Variants in DIP2A observed in about 807,000 individuals in gnomAD.
DIP2A encodes disco-interacting protein 2 homolog A.
In DIP2A, 85 loss-of-function variants were observed where a neutral mutation model predicts 177.4. The ratio of observed to expected loss-of-function variants is 0.48; its 90% CI spans 0.40 to 0.57. The LOEUF (loss-of-function observed/expected upper bound fraction) is 0.57. DIP2A is among the 20% of genes least tolerant of loss of function. The pLI is 0.00. For synonymous variants in DIP2A, 886 were observed against 881.8 expected (o/e 1.00, Z -0.08); for missense variants, 1,791 against 2,100.2 (o/e 0.85, Z 2.88).
rs1483090022 is a variant in DIP2A at position 46,558,251 on chromosome 21, G to A, written c.3827G>A (p.Arg1276His). ...AAGGGGGTGAACCTGTCATGTGTGC[G>A]CACGTGCATGGTGGTCGCCGAGGAG... ...RMKGVNLSCV[R>H]TCMVVAEERP... is the part of the protein sequence containing the mutation. The change falls in exon 32 of 38, where the codon CGC becomes CAC. Residue 1276 changes from arginine to histidine, a missense_variant. Transcript: ENST00000417564. The A allele has an allele frequency of 1.9e-6, 3 of 1,612,558 alleles. No individual in the cohort carries two copies. The highest frequency in any genetic ancestry group is 2.5e-6 in the Non-Finnish European group (3 of 1,179,744).
chr21:46,562,955 T>G (rs1601859370), intron 34 of DIP2A, among the ~76,000 whole-genome samples: 2 of 152,310 alleles, frequency 1.3e-5, no homozygotes, highest in South Asian at 2.1e-4. Flanking sequence ...GTCGCTCTTT[T>G]CCCTGCCCTG....
rs374176173 is a variant in DIP2A, at chr21:46,554,700, C to T, written c.3276+4C>T. On this transcript the variant is annotated splice_donor_region_variant and intron_variant, in intron 27 of 37. Coordinates refer to ENST00000417564, the MANE Select transcript of DIP2A (RefSeq NM_015151.4). Reference sequence around the variant, plus strand: ...CACCGTCAAGATGATCGTGGAGGTGCGCCTACCTGGCCCGCGGGTCAGAGT... The same window carrying T: ...CACCGTCAAGATGATCGTGGAGGTGTGCCTACCTGGCCCGCGGGTCAGAGT... 2.4e-5 allele frequency: 38 copies of T among 1,563,678 alleles called. No homozygotes were observed. The highest frequency in any genetic ancestry group is 3.0e-5 in the Non-Finnish European group (35 of 1,155,202).
chr21:46,470,485 A>AGG (rs1555867692), intron 1 of DIP2A, among the ~76,000 whole-genome samples: 79 of 149,320 alleles, frequency 5.3e-4, no homozygotes, highest in African/African-American at 1.9e-3. Flanking sequence ...AAAAAAAAAA[A>AGG]GGGGGGGCCA....
At position 46,481,181 on chromosome 21, in the gene DIP2A, A is replaced by C. The variant is rs141157873; in HGVS notation, c.92-3576A>C. On this transcript the variant is annotated intron_variant, in intron 1 of 37. Coordinates refer to ENST00000417564, the MANE Select transcript of DIP2A (RefSeq NM_015151.4). ...ATCTATTCCCTATCCTTATGGGTTT[A>C]TCTTTTCCGAAATGTCATATAAATG... is the stretch of plus-strand genomic sequence containing the variant. 4.4e-4 allele frequency among the ~76,000 whole-genome samples: 67 copies of C among 152,312 alleles called. No homozygotes were observed. The Middle Eastern group carries it at 0.01, about 23-fold the overall frequency.
the DIP2A span, among the ~76,000 whole-genome samples, chr21:46,577,447 G>A: frequency 1.2e-4 from 19 of 152,250 alleles, no homozygotes; most frequent in Admixed American, 7.8e-4. Context: ...TTGTAGATGG[G>A]CAGTCTTACT....
At position 46,537,279 on chromosome 21, in the gene DIP2A, C is replaced by T. The variant is rs376125206; in HGVS notation, c.1698C>T (p.Gly566=). 22 of 1,613,856 alleles carry T rather than the reference C, an allele frequency of 1.4e-5. No homozygotes were observed. The highest frequency in any genetic ancestry group is 1.5e-5 in the Non-Finnish European group (18 of 1,179,870). ...DFKRDAGLWH[G]VLTSVMNRMH... ...AAAGGGATGCTGGTCTGTGGCATGG[C>T]GTGTTAACAGTGAGTGTTGTTTGCT... The change falls in exon 14 of 38, where the codon GGC becomes GGT. Residue 566 remains glycine, a synonymous_variant. Transcript: ENST00000417564. This position sits in a 1 kb window ranked among gnomAD's most constrained non-coding sequence, Gnocchi z 4.1.
chr21:46,538,543 A>T lies in DIP2A; in HGVS notation c.1862A>T (p.Gln621Leu). Residue 621 changes from glutamine to leucine, a missense_variant, in exon 16 of 38, where the codon CAG (glutamine) becomes CTG (leucine). Coordinates refer to ENST00000417564, the MANE Select transcript of DIP2A (RefSeq NM_015151.4). ...MHWSLLAQRG[Q>L]RDVSLSSLRM... is the part of the protein sequence containing the mutation. The stretch of plus-strand genomic sequence containing the variant: ...TGGTCTCTCCTAGCTCAGCGGGGCC[A>T]GAGGGACGTCAGCCTCAGCTCACTG... 1 of 1,564,142 alleles carries T rather than the reference A, an allele frequency of 6.4e-7. No homozygotes were observed. The highest frequency in any genetic ancestry group is 8.6e-7 in the Non-Finnish European group (1 of 1,156,758).
At position 46,557,328 on chromosome 21, in the gene DIP2A, T is replaced by C. The variant is rs2060503031; in HGVS notation, c.3630-257T>C. On this transcript the variant is annotated intron_variant, in intron 30 of 37. Transcript: ENST00000417564. This position sits in a 1 kb window ranked among gnomAD's most constrained non-coding sequence, Gnocchi z 6.0. ...TCAAACACTAGAAAGTGGCGATCCGTCTCTAGAAGTGAATGCCTCTGGAGT... is the reference window on the plus strand; with the variant it reads ...TCAAACACTAGAAAGTGGCGATCCGCCTCTAGAAGTGAATGCCTCTGGAGT... 4.8e-6 allele frequency: 3 copies of C among 624,864 alleles called. No homozygotes were observed. The Admixed American group carries it at 8.9e-5, about 19-fold the overall frequency. 38.7% of individuals were successfully genotyped at this position (624,864 alleles called of 1,614,324 possible).
the DIP2A span, among the ~76,000 whole-genome samples, chr21:46,575,672 T>C: frequency 2.0e-5 from 3 of 152,226 alleles, no homozygotes; most frequent in South Asian, 6.2e-4. Context: ...CATCAAAAAA[T>C]ATTTAGGAAT....
chr21:46,497,076 G>T lies in DIP2A; in HGVS notation c.372G>T (p.Val124=). 1.2e-6 allele frequency: 2 copies of T among 1,613,876 alleles called. No individual in the cohort carries two copies. The highest frequency in any genetic ancestry group is 1.3e-5 in the African/African-American group (1 of 75,034). ...PMPSKRRSVL[V]HSSVETYTPP... ...CTTCGAAGAGACGTTCTGTCCTTGTGCATTCGTCTGTGGAAACCTACACCC... is the reference window on the plus strand; with the variant it reads ...CTTCGAAGAGACGTTCTGTCCTTGTTCATTCGTCTGTGGAAACCTACACCC... The change falls in exon 4 of 38, where the codon GTG becomes GTT. Residue 124 remains valine, a synonymous_variant. Transcript: ENST00000417564.
At chr21:46,543,135 G>T (rs547834833) in intron 18 of DIP2A, among the ~76,000 whole-genome samples, 6 of 151,560 alleles carry the variant, frequency 4.0e-5, no homozygotes, top group African/African-American at 1.2e-4. Flanking sequence ...AGTCAGTCTT[G>T]CACGGTGCTT....
At chr21:46,506,787 T>C (rs2058032418) in intron 6 of DIP2A, among the ~76,000 whole-genome samples, 1 of 145,256 alleles carries the variant, frequency 6.9e-6, no homozygotes, top group African/African-American at 2.5e-5. Flanking sequence ...CTTTTCTTTC[T>C]TTTCTTTCTT....
chr21:46,497,174 T>C, intron 4 of DIP2A, 67 bp downstream of exon 4: 1 of 1,542,966 alleles, frequency 6.5e-7, no homozygotes, highest in Non-Finnish European at 8.7e-7. Context: ...TTATCCTATT[T>C]ACTTCCCATT....
intron 1 of DIP2A, among the ~76,000 whole-genome samples, chr21:46,459,954 G>T (rs1049867532): frequency 6.6e-6 from 1 of 152,088 alleles, no homozygotes; most frequent in Non-Finnish European, 1.5e-5. Context: ...TCTGGGCTTG[G>T]TCTGGGCTTC....
chr21:46,492,362 A>T (rs1171683753), intron 3 of DIP2A, among the ~76,000 whole-genome samples: 1 of 152,146 alleles, frequency 6.6e-6, no homozygotes, highest in Non-Finnish European at 1.5e-5. Flanking sequence ...GTCTGTCTTT[A>T]TGGCAAAACA....
intron 1 of DIP2A, among the ~76,000 whole-genome samples, chr21:46,484,304 C>CT (rs2056545977): frequency 6.6e-6 from 1 of 152,190 alleles, no homozygotes. Flanking sequence ...AAAATTCACC[C>CT]TTACTCTTCT....
At position 46,546,969 on chromosome 21, in the gene DIP2A, C is replaced by T. The variant is rs767870250; in HGVS notation, c.2449C>T (p.Arg817Cys). ...GGACGGGCTGATGGTCACTGGAGTTCGCAGACACAATGCAGATGACGTTGT... is the reference window on the plus strand; with the variant it reads ...GGACGGGCTGATGGTCACTGGAGTTTGCAGACACAATGCAGATGACGTTGT... Reference protein sequence around the residue: ...KLDGLMVTGVRRHNADDVVAT... With the variant: ...KLDGLMVTGVCRHNADDVVAT... Residue 817 changes from arginine (R) to cysteine (C), a missense_variant, in exon 21 of 38, where the codon CGC becomes TGC. Transcript: ENST00000417564. 5.1e-5 allele frequency: 83 copies of T among 1,613,824 alleles called. No homozygotes were observed. Among genetic ancestry groups the T allele is most frequent in the African/African-American group, 6.7e-5 (5 of 74,902 alleles).
At chr21:46,461,990 G>A (rs1303656120) in intron 1 of DIP2A, among the ~76,000 whole-genome samples, 1 of 152,092 alleles carries the variant, frequency 6.6e-6, no homozygotes, top group Non-Finnish European at 1.5e-5. Flanking sequence ...TGACGAGGTT[G>A]TGAGCCTTTA....
chr21:46,473,699 A>G (rs1248335321), intron 1 of DIP2A, among the ~76,000 whole-genome samples: 4 of 152,018 alleles, frequency 2.6e-5, no homozygotes, highest in Non-Finnish European at 4.4e-5. Flanking sequence ...TATTTTTAGT[A>G]AAGATGGGGT....
Sources: gnomAD v4.1 joint callset for allele counts (sites outside exome capture counted in the v4.1 genomes callset) on GRCh38, gnomAD v4.1.1 for gene constraint, Gnocchi (gnomAD v3.1) non-coding constraint, MANE v1.5 for transcripts, NCBI Gene and HGNC (gene_info 2026-07-23, HGNC 2026-07-21) for gene names.